Variants in PTPRR observed in about 807,000 individuals in gnomAD.
PTPRR encodes the protein receptor-type tyrosine-protein phosphatase R.
Under a neutral mutation model 77.2 loss-of-function variants are expected in PTPRR, and 38 were observed. The ratio of observed to expected loss-of-function variants is 0.49; its 90% CI spans 0.38 to 0.65. The LOEUF (loss-of-function observed/expected upper bound fraction) is 0.65. Among genes scored for constraint, PTPRR ranks in the 30% least tolerant of loss-of-function variants. PTPRR has a pLI of 0.00. For missense variants in PTPRR, 744 were observed against 799.2 expected, an observed-to-expected ratio of 0.93 and a Z score of 0.83; for synonymous variants, 299 against 283.1, an observed-to-expected ratio of 1.06 and a Z score of -0.57.
rs1890509628 is a variant in PTPRR at position 70,754,543 on chromosome 12, C to T, written c.628-242G>A. 4 of 1,593,186 alleles carry T rather than the reference C, an allele frequency of 2.5e-6. No individual in the cohort carries two copies. In the African/African-American group the frequency reaches 5.4e-5, roughly 21 times the overall value. ...TGCCTGACATGGCATCTGCAGGTCC[C>T]AGGCTTTCTAAACATCCCTCAGCGT... On this transcript the variant is annotated intron_variant, in intron 4 of 13. Coordinates refer to ENST00000283228, the MANE Select transcript of PTPRR (RefSeq NM_002849.4).
At chr12:70,677,416 G>C (rs371559662) in intron 10 of PTPRR, among the ~76,000 whole-genome samples, 30 of 152,134 alleles carry the variant, frequency 2.0e-4, no homozygotes, top group African/African-American at 7.0e-4. Context: ...TCTTTCTCTT[G>C]CCTGATTACT....
At chr12:70,677,341 A>G (rs759703903) in intron 10 of PTPRR, among the ~76,000 whole-genome samples, 1 of 152,124 alleles carries the variant, frequency 6.6e-6, no homozygotes, top group Non-Finnish European at 1.5e-5. Flanking sequence ...TTTTCCATAT[A>G]TATGATCATA....
intron 13 of PTPRR, among the ~76,000 whole-genome samples, chr12:70,654,313 C>A (rs569287103): frequency 2.0e-5 from 3 of 152,200 alleles, no homozygotes; most frequent in Admixed American, 1.3e-4. Flanking sequence ...CACGGTGGCT[C>A]ACACCTACAA....
At chr12:70,750,261 T>A (rs1033338414) in intron 5 of PTPRR, among the ~76,000 whole-genome samples, 1 of 152,200 alleles carries the variant, frequency 6.6e-6, no homozygotes, top group East Asian at 1.9e-4. Context: ...TACAGCAATT[T>A]ACCTATATAA....
chr12:70,919,556 G>C (rs1169886652), intron 1 of PTPRR, among the ~76,000 whole-genome samples: 1 of 152,014 alleles, frequency 6.6e-6, no homozygotes. Context: ...ATTGATTCTG[G>C]TGCCTCAAAT....
chr12:70,766,304 C>T (rs1255615244), intron 2 of PTPRR, among the ~76,000 whole-genome samples: 4 of 152,096 alleles, frequency 2.6e-5, no homozygotes, highest in Non-Finnish European at 5.9e-5. Context: ...ATAACCAATA[C>T]AGAGAAGTGC....
chr12:70,773,577 GGGTAAAGGCAGT>G (rs1891026961), intron 2 of PTPRR, among the ~76,000 whole-genome samples: 1 of 152,094 alleles, frequency 6.6e-6, no homozygotes, highest in African/African-American at 2.4e-5. Context: ...AGCATATCAT[GGGTAAAGGCAGT>G]GGTAAAGTCT....
chr12:70,682,877 T>C (rs886597125), intron 10 of PTPRR, among the ~76,000 whole-genome samples: 1 of 152,192 alleles, frequency 6.6e-6, no homozygotes, highest in Non-Finnish European at 1.5e-5. Context: ...GTAAGCCATG[T>C]AGTGAATTGA....
At chr12:70,867,441 T>G (rs1892874276) in intron 2 of PTPRR, among the ~76,000 whole-genome samples, 1 of 152,002 alleles carries the variant, frequency 6.6e-6, no homozygotes, top group South Asian at 2.1e-4. Context: ...TCACAATTGC[T>G]TCAAAGAGAA....
chr12:70,902,032 G>A (rs113607494), intron 1 of PTPRR, among the ~76,000 whole-genome samples: 2,054 of 151,468 alleles, frequency 0.014, 44 homozygotes, highest in African/African-American at 0.047. Flanking sequence ...CTCAAAAGAA[G>A]GTATACAAAT....
chr12:70,679,156 C>T (rs1339713405), intron 10 of PTPRR, among the ~76,000 whole-genome samples: 1 of 151,996 alleles, frequency 6.6e-6, no homozygotes, highest in Non-Finnish European at 1.5e-5. Flanking sequence ...TTTAAGTGTC[C>T]CTTTTAATGT....
intron 2 of PTPRR, among the ~76,000 whole-genome samples, chr12:70,786,142 T>C (rs1565696631): frequency 6.6e-6 from 1 of 152,146 alleles, no homozygotes; most frequent in Non-Finnish European, 1.5e-5. Flanking sequence ...TCAGACAAAT[T>C]CAGGTTTCTA....
In PTPRR at chr12:70,699,302, A is replaced by T. The variant is rs537788022; in HGVS notation, c.1195-953T>A. ...TCTCCAGTAGAAAATTTAACTTAAC[A>T]GTCTAATATTGATTGAAATAGAAGA... is the stretch of plus-strand genomic sequence containing the variant. On this transcript the variant is annotated intron_variant, in intron 7 of 13. Transcript: ENST00000283228. Among the ~76,000 whole-genome samples, 3 of 152,352 alleles carry T rather than the reference A, an allele frequency of 2.0e-5. No individual in the cohort carries two copies. The South Asian group carries it at 6.2e-4, about 32-fold the overall frequency.
intron 2 of PTPRR, among the ~76,000 whole-genome samples, chr12:70,808,635 C>A (rs1396924291): frequency 6.6e-6 from 1 of 152,078 alleles, no homozygotes. Context: ...GAAAGTTAGA[C>A]CATTTGTCAA....
intron 6 of PTPRR, among the ~76,000 whole-genome samples, chr12:70,723,294 G>GCTTGCAAC (rs1380410880): frequency 5.3e-5 from 8 of 151,848 alleles, no homozygotes; most frequent in Non-Finnish European, 7.4e-5. Flanking sequence ...CAAAATTTCA[G>GCTTGCAAC]CTTGCAACCC....
chr12:70,817,426 G>A (rs1196772924), intron 2 of PTPRR, among the ~76,000 whole-genome samples: 1 of 152,082 alleles, frequency 6.6e-6, no homozygotes. Flanking sequence ...AAAAGAGAAT[G>A]GTCTTGTTCT....
chr12:70,777,032 A>G (rs900529139), intron 2 of PTPRR, among the ~76,000 whole-genome samples: 1 of 152,100 alleles, frequency 6.6e-6, no homozygotes, highest in Non-Finnish European at 1.5e-5. Flanking sequence ...CTATGTGTAC[A>G]TGGTATAAAA....
chr12:70,751,580 C>G (rs1446876279), intron 5 of PTPRR, among the ~76,000 whole-genome samples: 3 of 152,186 alleles, frequency 2.0e-5, no homozygotes, highest in African/African-American at 7.2e-5. Flanking sequence ...GTCCTTTACT[C>G]ACATATTCAC....
chr12:70,813,877 A>T (rs1891853074), intron 2 of PTPRR, among the ~76,000 whole-genome samples: 1 of 152,192 alleles, frequency 6.6e-6, no homozygotes, highest in Non-Finnish European at 1.5e-5. Context: ...GTGAGTCCTG[A>T]TCAGCACAAG....
Sources: allele counts gnomAD v4.1 joint callset (sites outside exome capture counted in the v4.1 genomes callset), GRCh38; gene constraint gnomAD v4.1.1; transcripts MANE v1.5; gene names NCBI Gene and HGNC (gene_info 2026-07-23, HGNC 2026-07-21).